The following CDC42BPA variants were observed in gnomAD, a reference collection of about 807,000 sequenced individuals.
CDC42BPA encodes CDC42 binding protein kinase alpha.
In CDC42BPA, 80 loss-of-function variants were observed where a neutral mutation model predicts 223.5. The observed-to-expected ratio is 0.36, with a 90% confidence interval of 0.30 to 0.43. The LOEUF is 0.43. CDC42BPA is among the 20% of genes least tolerant of loss of function. The pLI, the probability that CDC42BPA is intolerant of heterozygous loss-of-function variation, is 1.00. For synonymous variants in CDC42BPA, 694 were observed against 718.6 expected, an observed-to-expected ratio of 0.97 and a Z score of 0.55; for missense variants, 1,743 against 2,099.9, an observed-to-expected ratio of 0.83 and a Z score of 3.32.
intron 3 of CDC42BPA, among the ~76,000 whole-genome samples, chr1:227,200,575 C>CAT (rs1671592250): frequency 6.6e-6 from 1 of 150,484 alleles, no homozygotes. Context: ...ACTGCTATGG[C>CAT]GTACCATTGT....
intron 1 of CDC42BPA, among the ~76,000 whole-genome samples, chr1:227,315,150 TTC>T (rs1351773454): frequency 1.3e-5 from 2 of 152,016 alleles, no homozygotes; most frequent in African/African-American, 2.4e-5. Flanking sequence ...ATTCTTAACT[TTC>T]TTTTTACTCT....
At chr1:227,290,537 TAGATATAC>T (rs1220695673) in intron 1 of CDC42BPA, among the ~76,000 whole-genome samples, 1 of 152,180 alleles carries the variant, frequency 6.6e-6, no homozygotes. Context: ...TTATTTGTCC[TAGATATAC>T]AAGAAATGAT....
chr1:227,012,192 T>G (rs1007149928), intron 34 of CDC42BPA, among the ~76,000 whole-genome samples: 2 of 152,160 alleles, frequency 1.3e-5, no homozygotes, highest in African/African-American at 4.8e-5. Context: ...ATTTTAGTAA[T>G]GGATAAAAAG....
chr1:227,213,855 C>T (rs922747848), intron 2 of CDC42BPA, among the ~76,000 whole-genome samples: 1 of 152,022 alleles, frequency 6.6e-6, no homozygotes, highest in African/African-American at 2.4e-5. Context: ...AAAAAAGGAA[C>T]ATCTATTTCT....
intron 5 of CDC42BPA, 68 bp downstream of exon 5, chr1:227,193,718 G>T (rs1670177180): frequency 1.7e-6 from 2 of 1,211,506 alleles, no homozygotes; most frequent in Non-Finnish European, 2.3e-6. Context: ...AATCTGGCAA[G>T]AAATAGGCCT....
intron 5 of CDC42BPA, among the ~76,000 whole-genome samples, chr1:227,177,215 G>A (rs1366481298): frequency 2.0e-5 from 3 of 151,602 alleles, no homozygotes; most frequent in Non-Finnish European, 4.4e-5. Context: ...TAAAAATCCA[G>A]GTTGCCTTCT....
At chr1:227,272,378 A>C (rs1257134111) in intron 1 of CDC42BPA, among the ~76,000 whole-genome samples, 2 of 152,118 alleles carry the variant, frequency 1.3e-5, no homozygotes, top group Non-Finnish European at 2.9e-5. Context: ...AAAAACCCTA[A>C]AGGAAAAGAT....
In CDC42BPA at chr1:227,051,209, AAGG is replaced by A. The variant is rs1169333180; in HGVS notation, c.3009+669_3009+671del. Among the ~76,000 whole-genome samples, 24 of 152,304 alleles carry A rather than the reference AAGG, an allele frequency of 1.6e-4. 1 individual carries two copies. Among genetic ancestry groups the A allele is most frequent in the Middle Eastern group, 3.4e-3 (1 of 294 alleles). On this transcript the variant is annotated intron_variant, in intron 22 of 36. Coordinates refer to ENST00000366766, the MANE Select transcript of CDC42BPA (RefSeq NM_001394014.1). ...CTGGAGATTTAAGAAAAGGAAAGCA[AAGG>A]AGCTTTGTCTGAATCCTGATGCTGA...
Position 227,129,235 on chromosome 1 carries a change from T to TAA in CDC42BPA, c.1391-6_1391-5dup. On this transcript the variant is annotated splice_region_variant and splice_polypyrimidine_tract_variant and intron_variant, in intron 10 of 36. Coordinates refer to ENST00000366766, the MANE Select transcript of CDC42BPA (RefSeq NM_001394014.1). ...GCTTGGACAGTCTGTGTTGACTCTT[T>TAA]AAAAAAAAGGATAAAAGAAATAAAA... 6.5e-7 allele frequency: 1 copy of TAA among 1,534,140 alleles called. No homozygotes were observed. Among genetic ancestry groups the TAA allele is most frequent in the Non-Finnish European group, 8.8e-7 (1 of 1,139,356 alleles).
chr1:227,059,381 C>T lies in CDC42BPA; in HGVS notation c.2905-7396G>A, dbSNP rs1022494980. On this transcript the variant is annotated intron_variant, in intron 21 of 36. Transcript: ENST00000366766. ...GTGCAAAAGTCTCTTACACGTCTGC[C>T]TTTGCTAGCTGGAGTACAGGATGGA... 1.7e-5 allele frequency: 26 copies of T among 1,563,158 alleles called. No homozygotes were observed. The African/African-American group carries it at 3.3e-4, about 20-fold the overall frequency.
intron 1 of CDC42BPA, among the ~76,000 whole-genome samples, chr1:227,311,536 G>C (rs901571423): frequency 6.6e-6 from 1 of 152,016 alleles, no homozygotes; most frequent in African/African-American, 2.4e-5. Context: ...TTTGTTTATA[G>C]GTCATATGGT....
chr1:227,253,717 A>T (rs918227867), intron 2 of CDC42BPA, among the ~76,000 whole-genome samples: 1 of 152,186 alleles, frequency 6.6e-6, no homozygotes, highest in Middle Eastern at 3.2e-3. Flanking sequence ...AGAAAAAGGA[A>T]GTCAGAGTAT....
intron 5 of CDC42BPA, among the ~76,000 whole-genome samples, chr1:227,192,394 C>A (rs1045574047): frequency 7.9e-5 from 12 of 152,184 alleles, no homozygotes; most frequent in Admixed American, 2.6e-4. Flanking sequence ...CCGACCCAAC[C>A]CACTGAATCA....
At chr1:227,138,462 G>A (rs1411204339) in intron 10 of CDC42BPA, among the ~76,000 whole-genome samples, 2 of 143,764 alleles carry the variant, frequency 1.4e-5, no homozygotes, top group Non-Finnish European at 3.0e-5. Flanking sequence ...CTTAGCAAAG[G>A]AGACTGGGAA....
At chr1:227,313,613 G>A (rs1693878681) in intron 1 of CDC42BPA, among the ~76,000 whole-genome samples, 1 of 148,892 alleles carries the variant, frequency 6.7e-6, no homozygotes, top group African/African-American at 2.5e-5. Flanking sequence ...TGTATTAAGT[G>A]AACATTTTGA....
At chr1:227,268,525 T>C (rs975064685) in intron 1 of CDC42BPA, among the ~76,000 whole-genome samples, 1 of 151,180 alleles carries the variant, frequency 6.6e-6, no homozygotes, top group African/African-American at 2.4e-5. Context: ...TTTATATGTG[T>C]ATTTTGTATG....
chr1:227,042,514 A>C (rs1311192796), intron 23 of CDC42BPA, among the ~76,000 whole-genome samples: 1 of 152,128 alleles, frequency 6.6e-6, no homozygotes, highest in Non-Finnish European at 1.5e-5. Context: ...TATTTCACTA[A>C]TCTCCACTAA....
At chr1:227,105,366 T>C (rs1685733125) in intron 14 of CDC42BPA, among the ~76,000 whole-genome samples, 1 of 145,838 alleles carries the variant, frequency 6.9e-6, no homozygotes, top group South Asian at 2.3e-4. Context: ...CTTTTTTTTT[T>C]TTTTTTTTTT....
intron 16 of CDC42BPA, among the ~76,000 whole-genome samples, chr1:227,087,793 T>A (rs1379284845): frequency 1.3e-5 from 2 of 152,190 alleles, no homozygotes; most frequent in African/African-American, 2.4e-5. Context: ...CTTTTTAGTA[T>A]TTTTTTAGAA....
Sources: gnomAD v4.1 joint callset for allele counts (sites outside exome capture counted in the v4.1 genomes callset) on GRCh38, gnomAD v4.1.1 for gene constraint, MANE v1.5 for transcripts, NCBI Gene and HGNC (gene_info 2026-07-23, HGNC 2026-07-21) for gene names.